NXPE4: variants seen among roughly 807,000 people sequenced by gnomAD.
NXPE4 encodes NXPE family member 4.
In NXPE4, 42 loss-of-function variants were observed where a neutral mutation model predicts 33.3. That is an observed-to-expected ratio of 1.26 (90% CI 0.98 to 1.63). The LOEUF is 1.63. Ranked by LOEUF, NXPE4 falls within the 40% of genes most tolerant of loss-of-function variation. The pLI is 0.00. For missense variants in NXPE4, 709 were observed against 647.6 expected (o/e 1.09, Z -1.03); for synonymous variants, 253 against 234.9 (o/e 1.08, Z -0.71).
the NXPE4 span, among the ~76,000 whole-genome samples, chr11:114,603,900 C>A: frequency 2.0e-5 from 3 of 149,996 alleles, no homozygotes; most frequent in Non-Finnish European, 4.4e-5. Flanking sequence ...AGTATTGCCT[C>A]GTCTCCAAGG....
At chr11:114,572,521 A>G (rs59029050) in intron 5 of NXPE4, among the ~76,000 whole-genome samples, 3,363 of 152,312 alleles carry the variant, frequency 0.022, 133 homozygotes, top group African/African-American at 0.077. Context: ...TAAATAAAAA[A>G]CAATCACAAT....
upstream of NXPE4, among the ~76,000 whole-genome samples, chr11:114,598,871 C>A (rs1398412686): frequency 6.6e-6 from 1 of 151,382 alleles, no homozygotes; most frequent in African/African-American, 2.4e-5. Flanking sequence ...AGGCTTAACA[C>A]CCTGTGGAAG....
chr11:114,578,012 T>C lies in NXPE4; in HGVS notation c.1099+2120A>G, dbSNP rs534489351. 4.9e-4 allele frequency among the ~76,000 whole-genome samples: 75 copies of C among 152,338 alleles called. 1 individual carries two copies. The highest frequency in any genetic ancestry group is 1.7e-3 in the African/African-American group (72 of 41,590). On this transcript the variant is annotated intron_variant, in intron 5 of 5. Transcript: ENST00000375478. ...CATGTATATTTAATTGACACATGAATAGAATAAAATGAAGTTCTTCCATTT... is the reference window on the plus strand; with the variant it reads ...CATGTATATTTAATTGACACATGAACAGAATAAAATGAAGTTCTTCCATTT...
chr11:114,597,335 A>G (rs1285516367), upstream of NXPE4, among the ~76,000 whole-genome samples: 1 of 152,212 alleles, frequency 6.6e-6, no homozygotes. Context: ...GTGATCTGAA[A>G]TCTGAATGAT....
At chr11:114,610,785 T>A in the NXPE4 span, among the ~76,000 whole-genome samples, 1 of 151,932 alleles carries the variant, frequency 6.6e-6, no homozygotes, top group Non-Finnish European at 1.5e-5. Flanking sequence ...TGTTACCCAG[T>A]GGATAATAAG....
chr11:114,597,362 C>G (rs1406290219), upstream of NXPE4, among the ~76,000 whole-genome samples: 2 of 152,046 alleles, frequency 1.3e-5, no homozygotes, highest in Non-Finnish European at 2.9e-5. Flanking sequence ...CAGGGGTGGA[C>G]AAACTTTTTC....
At chr11:114,593,217 C>G (rs1273176350) in intron 2 of NXPE4, among the ~76,000 whole-genome samples, 1 of 152,050 alleles carries the variant, frequency 6.6e-6, no homozygotes, top group East Asian at 1.9e-4. Context: ...GCAAAGGAAG[C>G]AATCAAGTGA....
At chr11:114,639,735 AAAATAAT>A in the NXPE4 span, among the ~76,000 whole-genome samples, 11 of 102,382 alleles carry the variant, frequency 1.1e-4, no homozygotes, top group South Asian at 3.3e-4. Context: ...AATATAATAT[AAAATAAT>A]ATATAATATA....
the NXPE4 span, among the ~76,000 whole-genome samples, chr11:114,627,800 G>C: frequency 6.6e-6 from 1 of 151,842 alleles, no homozygotes; most frequent in East Asian, 1.9e-4. Context: ...ACACACATGG[G>C]CTCAAAATAA....
At chr11:114,651,402 G>C in the NXPE4 span, among the ~76,000 whole-genome samples, 1 of 152,294 alleles carries the variant, frequency 6.6e-6, no homozygotes, top group East Asian at 1.9e-4. Context: ...GCTGGCTTCA[G>C]GAGTGAAGCT....
chr11:114,672,129 G>A, the NXPE4 span, among the ~76,000 whole-genome samples: 2 of 151,904 alleles, frequency 1.3e-5, no homozygotes, highest in African/African-American at 2.4e-5. Context: ...AGAACAGCAA[G>A]GGGGAAGTCC....
At chr11:114,657,444 T>G in the NXPE4 span, among the ~76,000 whole-genome samples, 1 of 152,206 alleles carries the variant, frequency 6.6e-6, no homozygotes, top group Non-Finnish European at 1.5e-5. Flanking sequence ...ATATCCAAGA[T>G]TTTTAACAAT....
At chr11:114,653,694 A>AT in the NXPE4 span, among the ~76,000 whole-genome samples, 94 of 151,732 alleles carry the variant, frequency 6.2e-4, no homozygotes, top group Admixed American at 1.2e-3. Flanking sequence ...TGCCTGGCTA[A>AT]TTTTTTTGTA....
intron 5 of NXPE4, among the ~76,000 whole-genome samples, chr11:114,572,595 T>C (rs1948915538): frequency 1.3e-5 from 2 of 151,930 alleles, no homozygotes; most frequent in Non-Finnish European, 2.9e-5. Flanking sequence ...AGCAATAGAA[T>C]TGAACAAGCA....
At chr11:114,617,846 T>C in the NXPE4 span, among the ~76,000 whole-genome samples, 153 of 152,228 alleles carry the variant, frequency 1.0e-3, 1 homozygote, top group Admixed American at 8.2e-3. Context: ...TGTTACCCAG[T>C]TGATAATAAG....
At chr11:114,653,820 G>A in the NXPE4 span, among the ~76,000 whole-genome samples, 16 of 151,980 alleles carry the variant, frequency 1.1e-4, no homozygotes, top group African/African-American at 3.6e-4. Context: ...GAGCCACCGC[G>A]CCTGGCCTGT....
chr11:114,628,615 A>T, the NXPE4 span, among the ~76,000 whole-genome samples: 113 of 144,950 alleles, frequency 7.8e-4, no homozygotes, highest in Admixed American at 2.4e-3. Context: ...AAAGAACTAG[A>T]AAAGCAAGAG....
At chr11:114,613,758 T>C in the NXPE4 span, among the ~76,000 whole-genome samples, 1 of 151,856 alleles carries the variant, frequency 6.6e-6, no homozygotes, top group Admixed American at 6.6e-5. Context: ...ACCCGGTGGA[T>C]AATAAGTGTT....
chr11:114,665,836 C>G, the NXPE4 span, among the ~76,000 whole-genome samples: 1 of 152,112 alleles, frequency 6.6e-6, no homozygotes, highest in South Asian at 2.1e-4. Flanking sequence ...CTACTTGAAG[C>G]TAATTAAAGG....
Sources: allele counts gnomAD v4.1 joint callset (sites outside exome capture counted in the v4.1 genomes callset), GRCh38; gene constraint gnomAD v4.1.1; transcripts MANE v1.5; gene names NCBI Gene and HGNC (gene_info 2026-07-23, HGNC 2026-07-21).